Variants in GPC6 observed in about 807,000 individuals in gnomAD.
GPC6 encodes the protein glypican 6.
GPC6 carries 14 observed loss-of-function variants against 55.2 expected under a neutral mutation model. That is an observed-to-expected ratio of 0.25 (90% confidence interval 0.17 to 0.40). GPC6 has a LOEUF of 0.40. GPC6 is among the 10% of genes least tolerant of loss of function. The pLI is 1.00. For synonymous variants in GPC6, 278 were observed against 259.6 expected (o/e 1.07, Z -0.68); for missense variants, 641 against 708.5 (o/e 0.90, Z 1.08).
intron 3 of GPC6, among the ~76,000 whole-genome samples, chr13:94,023,611 A>G (rs1325535586): frequency 6.6e-6 from 1 of 152,058 alleles, no homozygotes; most frequent in African/African-American, 2.4e-5. Context: ...TGATCCAGCA[A>G]TTGCACCCTT....
At chr13:93,531,159 C>G (rs976477853) in intron 1 of GPC6, among the ~76,000 whole-genome samples, 1 of 151,964 alleles carries the variant, frequency 6.6e-6, no homozygotes, top group Non-Finnish European at 1.5e-5. Context: ...CAGAGGTTCC[C>G]AAGTATTCTG....
intron 1 of GPC6, among the ~76,000 whole-genome samples, chr13:93,534,633 C>A (rs544705310): frequency 6.6e-6 from 1 of 152,272 alleles, no homozygotes; most frequent in African/African-American, 2.4e-5. Context: ...GCTGTCACCT[C>A]AGCATCTTGT....
intron 2 of GPC6, among the ~76,000 whole-genome samples, chr13:93,616,831 CT>C (rs986194669): frequency 6.6e-6 from 1 of 151,700 alleles, no homozygotes; most frequent in Non-Finnish European, 1.5e-5. Flanking sequence ...TGACGTGCTC[CT>C]TTTTTTTGAA....
chr13:93,459,346 G>T (rs1297991691), intron 1 of GPC6, among the ~76,000 whole-genome samples: 1 of 152,214 alleles, frequency 6.6e-6, no homozygotes, highest in South Asian at 2.1e-4. Flanking sequence ...GATTATAGGC[G>T]TGAGCCAACA....
At chr13:93,802,083 TTTTAC>T (rs1399014437) in intron 2 of GPC6, among the ~76,000 whole-genome samples, 1 of 152,170 alleles carries the variant, frequency 6.6e-6, no homozygotes, top group East Asian at 1.9e-4. Context: ...GTAGTTTTAT[TTTTAC>T]TTTAATTTTT....
chr13:94,015,622 C>A (rs1882434053), intron 3 of GPC6, among the ~76,000 whole-genome samples: 1 of 152,050 alleles, frequency 6.6e-6, no homozygotes, highest in African/African-American at 2.4e-5. Flanking sequence ...ATGTTTCTTT[C>A]ATTTGCTCTT....
At chr13:93,931,731 T>C (rs1594598261) in intron 3 of GPC6, among the ~76,000 whole-genome samples, 1 of 125,098 alleles carries the variant, frequency 8.0e-6, no homozygotes. Context: ...GCCACTGCAC[T>C]CCAGCCTGGG....
At chr13:93,248,888 C>T (rs1876694750) in intron 1 of GPC6, among the ~76,000 whole-genome samples, 2 of 152,208 alleles carry the variant, frequency 1.3e-5, no homozygotes, top group Non-Finnish European at 2.9e-5. Flanking sequence ...GCAAATTGCT[C>T]CATGGCTTTC....
At chr13:94,229,587 G>A (rs1890658711) in intron 4 of GPC6, among the ~76,000 whole-genome samples, 1 of 152,204 alleles carries the variant, frequency 6.6e-6, no homozygotes, top group Non-Finnish European at 1.5e-5. Context: ...GGTTGTGCAA[G>A]TATTTAGGGT....
intron 2 of GPC6, among the ~76,000 whole-genome samples, chr13:93,753,119 G>T (rs970816276): frequency 4.6e-5 from 7 of 152,194 alleles, no homozygotes; most frequent in Non-Finnish European, 8.8e-5. Context: ...ATTCAGAATG[G>T]ATTATTCCTT....
At position 94,406,098 on chromosome 13, in the gene GPC6, A is replaced by G. The variant is rs1413130453; in HGVS notation, c.*2881A>G. On this transcript the variant is annotated 3_prime_UTR_variant, in exon 9 of 9. Coordinates refer to ENST00000377047, the MANE Select transcript of GPC6 (RefSeq NM_005708.5). The stretch of plus-strand genomic sequence containing the variant: ...AATCATATCATAACTTTTGTTATGA[A>G]TAGAGAGGAATGGGCTCACTGAAAC... 6.6e-6 allele frequency: 1 copy of G among 152,106 alleles called. No individual in the cohort carries two copies. The highest frequency in any genetic ancestry group is 1.5e-5 in the Non-Finnish European group (1 of 67,986). 9.4% of individuals were successfully genotyped at this position (152,106 alleles called of 1,614,324 possible).
chr13:93,762,937 A>G (rs999866199), intron 2 of GPC6, among the ~76,000 whole-genome samples: 1 of 152,204 alleles, frequency 6.6e-6, no homozygotes, highest in Non-Finnish European at 1.5e-5. Flanking sequence ...TTCAGCTGAG[A>G]TACGACTGAC....
intron 3 of GPC6, among the ~76,000 whole-genome samples, chr13:93,967,264 T>C (rs189648543): frequency 4.6e-5 from 7 of 152,314 alleles, no homozygotes; most frequent in African/African-American, 7.2e-5. Context: ...TATAATCCAC[T>C]GGTGAAGACA....
At chr13:93,404,973 C>T (rs1177797449) in intron 1 of GPC6, among the ~76,000 whole-genome samples, 1 of 152,084 alleles carries the variant, frequency 6.6e-6, no homozygotes, top group Non-Finnish European at 1.5e-5. Flanking sequence ...ATGGGAATTT[C>T]TTTAATGAAA....
intron 1 of GPC6, among the ~76,000 whole-genome samples, chr13:93,409,518 A>T (rs1169737713): frequency 6.6e-6 from 1 of 152,158 alleles, no homozygotes; most frequent in Non-Finnish European, 1.5e-5. Flanking sequence ...TCAACTAGGG[A>T]TGGCAAGTGT....
intron 1 of GPC6, among the ~76,000 whole-genome samples, chr13:93,504,365 CATATATA>C (rs1170007229): frequency 2.6e-5 from 4 of 152,022 alleles, no homozygotes; most frequent in East Asian, 1.9e-4. Flanking sequence ...ACATCCTAAA[CATATATA>C]ATATATGACA....
intron 1 of GPC6, among the ~76,000 whole-genome samples, chr13:93,403,985 A>G (rs1876191223): frequency 1.3e-5 from 2 of 152,156 alleles, no homozygotes; most frequent in South Asian, 4.1e-4. Context: ...TCTTGATATT[A>G]TGAAGTTGGC....
chr13:93,997,984 G>A (rs886793702), intron 3 of GPC6, among the ~76,000 whole-genome samples: 7 of 152,172 alleles, frequency 4.6e-5, no homozygotes, highest in African/African-American at 1.7e-4. Context: ...TCCTAGCCAT[G>A]TTGATTTCAG....
chr13:93,269,831 G>T (rs1217279407), intron 1 of GPC6, among the ~76,000 whole-genome samples: 2 of 137,912 alleles, frequency 1.5e-5, no homozygotes, highest in Admixed American at 1.6e-4. Context: ...GGCAGAGCTT[G>T]CAATGAGCCT....
Sources: allele counts gnomAD v4.1 joint callset (sites outside exome capture counted in the v4.1 genomes callset), GRCh38; gene constraint gnomAD v4.1.1; transcripts MANE v1.5; gene names NCBI Gene and HGNC (gene_info 2026-07-23, HGNC 2026-07-21).